The following LAMA2 variants were observed in gnomAD, a reference collection of about 807,000 sequenced individuals.
The protein encoded by LAMA2 is laminin subunit alpha-2.
In LAMA2, 269 loss-of-function variants were observed where a neutral mutation model predicts 364.8. The ratio of observed to expected loss-of-function variants is 0.74; its 90% CI spans 0.67 to 0.82. The LOEUF is 0.82. LAMA2 is among the 40% of genes least tolerant of loss of function. The probability of loss-of-function intolerance (pLI) is 0.00; values close to 1 mark genes in which losing one functional copy is unlikely to be tolerated. For synonymous variants in LAMA2, 1,379 were observed against 1,370.6 expected, an observed-to-expected ratio of 1.01 and a Z score of -0.14; for missense variants, 3,807 against 3,873.2, an observed-to-expected ratio of 0.98 and a Z score of 0.45.
rs781685180 is a variant in LAMA2, at chr6:129,478,768, C to G, written c.7527C>G (p.Leu2509=). The change falls in exon 54 of 65, where the codon CTC becomes CTG. Residue 2509 remains leucine, a synonymous_variant. Transcript: ENST00000421865. ...TTTCAAGAACTCCGTACAATATACT[C>G]AGTAGTCCCGATTATGTTGGTGTTA... ...IEISRTPYNI[L]SSPDYVGVTK... is the part of the protein sequence containing the mutation. 1 of 1,612,746 alleles carries G rather than the reference C, an allele frequency of 6.2e-7. No homozygotes were observed. The highest frequency in any genetic ancestry group is 8.5e-7 in the Non-Finnish European group (1 of 1,178,768).
chr6:129,034,106 G>T (rs7769389), intron 1 of LAMA2, among the ~76,000 whole-genome samples: 1 of 151,868 alleles, frequency 6.6e-6, no homozygotes, highest in African/African-American at 2.4e-5. Flanking sequence ...ACAGAAGCAG[G>T]GTATAGTATG....
intron 33 of LAMA2, among the ~76,000 whole-genome samples, 184 bp downstream of exon 33, chr6:129,366,545 C>A (rs911873453): frequency 3.9e-5 from 6 of 152,082 alleles, no homozygotes; most frequent in Non-Finnish European, 7.4e-5. Context: ...ATACAGATTT[C>A]TATTAAGGGA....
chr6:129,264,778 G>A (rs1034434678), intron 15 of LAMA2, among the ~76,000 whole-genome samples: 18 of 152,136 alleles, frequency 1.2e-4, no homozygotes, highest in Non-Finnish European at 2.5e-4. Context: ...TGGATAAAAT[G>A]CAATTGCAGA....
intron 10 of LAMA2, among the ~76,000 whole-genome samples, chr6:129,189,529 G>T (rs193195850): frequency 6.6e-6 from 1 of 152,088 alleles, no homozygotes; most frequent in Non-Finnish European, 1.5e-5. Flanking sequence ...CTGGAGAGCA[G>T]TCACAGAATG....
chr6:129,258,822 G>A (rs996879431), intron 14 of LAMA2, among the ~76,000 whole-genome samples: 3 of 151,884 alleles, frequency 2.0e-5, no homozygotes, highest in African/African-American at 7.3e-5. Flanking sequence ...CAGTGAGGGG[G>A]GAAAAAAGCA....
intron 1 of LAMA2, among the ~76,000 whole-genome samples, chr6:128,941,271 G>T (rs914831527): frequency 1.3e-5 from 2 of 152,148 alleles, no homozygotes; most frequent in Non-Finnish European, 2.9e-5. Context: ...ATTGTCTATT[G>T]GTTACCCGCC....
intron 1 of LAMA2, among the ~76,000 whole-genome samples, chr6:129,014,287 T>C (rs1008262321): frequency 1.3e-5 from 2 of 152,224 alleles, no homozygotes; most frequent in Admixed American, 1.3e-4. Context: ...GGATCCTGTG[T>C]ATTTTTTACA....
intron 48 of LAMA2, among the ~76,000 whole-genome samples, chr6:129,458,352 A>C (rs755296916): frequency 6.6e-6 from 1 of 152,086 alleles, no homozygotes; most frequent in African/African-American, 2.4e-5. Flanking sequence ...GTATTCTATC[A>C]GTCTCAGAAA....
intron 12 of LAMA2, among the ~76,000 whole-genome samples, chr6:129,219,208 CA>C (rs1302114444): frequency 6.6e-6 from 1 of 151,850 alleles, no homozygotes; most frequent in Non-Finnish European, 1.5e-5. Context: ...TTTATGCAGC[CA>C]AAAAACACAT....
At chr6:129,226,303 G>T (rs918382477) in intron 12 of LAMA2, among the ~76,000 whole-genome samples, 1 of 152,108 alleles carries the variant, frequency 6.6e-6, no homozygotes, top group Non-Finnish European at 1.5e-5. Flanking sequence ...GCCAGTCTGT[G>T]TCTTTTAATT....
chr6:129,303,378 CAAAG>C (rs1392105544), intron 22 of LAMA2, among the ~76,000 whole-genome samples: 1 of 152,142 alleles, frequency 6.6e-6, no homozygotes, highest in African/African-American at 2.4e-5. Context: ...ATGTCATCTG[CAAAG>C]AGAGATTTAC....
rs571851640 is a variant in LAMA2 at position 128,997,341 on chromosome 6, AG to A, written c.113-52576del. ...AAGAGAGAGAGAGAAAGAAAGAGAAAGAAAGAAAGAAAGAACGAAAGAAAGA... is the reference window on the plus strand; with the variant it reads ...AAGAGAGAGAGAGAAAGAAAGAGAAAAAAGAAAGAAAGAACGAAAGAAAGA... On this transcript the variant is annotated intron_variant, in intron 1 of 64. Coordinates refer to ENST00000421865, the MANE Select transcript of LAMA2 (RefSeq NM_000426.4). Among the ~76,000 whole-genome samples, 17 of 97,402 alleles carry A rather than the reference AG, an allele frequency of 1.7e-4. No individual in the cohort carries two copies. The East Asian group carries it at 4.8e-3, about 27-fold the overall frequency. The allele number at this position is 97,402 out of a possible 152,430, so 63.9% of individuals were successfully genotyped here.
At position 129,154,668 on chromosome 6, in the gene LAMA2, C is replaced by A; in HGVS notation, c.1191C>A (p.Phe397Leu). 1.1e-5 allele frequency: 18 copies of A among 1,613,866 alleles called. No individual in the cohort carries two copies. The highest frequency in any genetic ancestry group is 1.5e-5 in the Non-Finnish European group (18 of 1,179,838). ...ACTGCGAGACATGTACTGATGGCTT[C>A]TTCAGACCCAAAGGGGTAAAGTATG... Reference protein sequence around the residue: ...GINCETCTDGFFRPKGVSPNY... With the variant: ...GINCETCTDGLFRPKGVSPNY... Residue 397 changes from phenylalanine to leucine, a missense_variant, in exon 8 of 65, where the codon TTC becomes TTA. By Grantham distance (22) the Phe-to-Leu change is conservative. Coordinates refer to ENST00000421865, the MANE Select transcript of LAMA2 (RefSeq NM_000426.4).
chr6:128,947,722 T>G (rs1299325769), intron 1 of LAMA2, among the ~76,000 whole-genome samples: 1 of 152,148 alleles, frequency 6.6e-6, no homozygotes, highest in Non-Finnish European at 1.5e-5. Flanking sequence ...TGTTACATAT[T>G]TTTTTGGTTT....
At position 129,315,835 on chromosome 6, in the gene LAMA2, A is replaced by G. The variant is rs2114502245; in HGVS notation, c.3809A>G (p.Tyr1270Cys). The change falls in exon 26 of 65, where the codon TAT becomes TGT. Residue 1270 changes from tyrosine (Y) to cysteine (C), a missense_variant. By Grantham distance (194) the Tyr-to-Cys change is radical. Coordinates refer to ENST00000421865, the MANE Select transcript of LAMA2 (RefSeq NM_000426.4). ...EAREETGFST[Y>C]NPQVIIRGGT... ...CGGGAAGAAACAGGTTTCTCTACAT[A>G]TAATCCTCAAGTGATCATTCGAGGT... 3.7e-6 allele frequency: 6 copies of G among 1,614,078 alleles called. No homozygotes were observed. The highest frequency in any genetic ancestry group is 1.1e-5 in the South Asian group (1 of 91,082).
chr6:129,451,303 C>T (rs190410468), intron 45 of LAMA2, among the ~76,000 whole-genome samples: 4 of 152,266 alleles, frequency 2.6e-5, no homozygotes, highest in Non-Finnish European at 5.9e-5. Flanking sequence ...AACTGAAAAC[C>T]ACCCTATCCA....
At chr6:129,008,488 T>C (rs1343918972) in intron 1 of LAMA2, among the ~76,000 whole-genome samples, 1 of 152,176 alleles carries the variant, frequency 6.6e-6, no homozygotes, top group Non-Finnish European at 1.5e-5. Flanking sequence ...AGTGGAAATA[T>C]TGCTATTCTT....
At position 129,154,557 on chromosome 6, in the gene LAMA2, C is replaced by T; in HGVS notation, c.1080C>T (p.Ala360=). ...AATGCTATTATGATGAAAATGTTGC[C>T]AGAAGAAATCTGAGTTTGAATATAC... ...AEECYYDENV[A]RRNLSLNIRG... is the part of the protein sequence containing the mutation. The change falls in exon 8 of 65, where the codon GCC becomes GCT. Residue 360 remains alanine, a synonymous_variant. Transcript: ENST00000421865. 1 of 1,613,894 alleles carries T rather than the reference C, an allele frequency of 6.2e-7. No individual in the cohort carries two copies. The highest frequency in any genetic ancestry group is 8.5e-7 in the Non-Finnish European group (1 of 1,179,890).
At chr6:129,371,607 C>CTTT (rs376262275) in intron 34 of LAMA2, among the ~76,000 whole-genome samples, 5 of 132,564 alleles carry the variant, frequency 3.8e-5, no homozygotes, top group Non-Finnish European at 6.4e-5. Context: ...AAAAGTATTT[C>CTTT]TTTTTTTTTT....
Sources: gnomAD v4.1 joint callset for allele counts (sites outside exome capture counted in the v4.1 genomes callset) on GRCh38, gnomAD v4.1.1 for gene constraint, MANE v1.5 for transcripts, NCBI Gene and HGNC (gene_info 2026-07-23, HGNC 2026-07-21) for gene names.